Variants in SLC10A1 observed in about 807,000 individuals in gnomAD.
The protein encoded by SLC10A1 is solute carrier family 10 member 1.
Under a neutral mutation model 20.5 loss-of-function variants are expected in SLC10A1, and 36 were observed. That is an observed-to-expected ratio of 1.75 (90% CI 1.34 to 2.32). SLC10A1 has a LOEUF of 2.32. Among genes scored for constraint, SLC10A1 ranks in the 30% most tolerant of loss-of-function variants. The pLI, the probability that SLC10A1 is intolerant of heterozygous loss-of-function variation, is 0.00. For synonymous variants in SLC10A1, 188 were observed against 163.6 expected (o/e 1.15, Z -1.14); for missense variants, 545 against 439.1 (o/e 1.24, Z -2.16).
rs200927878 is a variant in SLC10A1, at chr14:69,779,180, A to G, written c.746+2T>C. The G allele has an allele frequency of 1.9e-6, 3 of 1,577,800 alleles. No homozygotes were observed. Among genetic ancestry groups the G allele is most frequent in the Admixed American group, 1.9e-5 (1 of 52,296 alleles). ...TTTCTTAAAAAAAAAAAAAATACCT[A>G]CCGTCCATTGAGGCAGAAGAGAGCA... is the stretch of plus-strand genomic sequence containing the variant. On this transcript the variant is annotated splice_donor_variant, in intron 3 of 4. Coordinates refer to ENST00000216540, the MANE Select transcript of SLC10A1 (RefSeq NM_003049.4). LOFTEE classifies it high-confidence loss of function.
At chr14:69,788,275 A>C (rs1227819992) in intron 1 of SLC10A1, among the ~76,000 whole-genome samples, 1 of 152,164 alleles carries the variant, frequency 6.6e-6, no homozygotes, top group African/African-American at 2.4e-5. Flanking sequence ...ATCAAATATG[A>C]AATCATGGTG....
At chr14:69,780,480 A>G (rs1296361649) in intron 2 of SLC10A1, among the ~76,000 whole-genome samples, 1 of 151,162 alleles carries the variant, frequency 6.6e-6, no homozygotes, top group Non-Finnish European at 1.5e-5. Context: ...TATATTTCCT[A>G]GTAACATTTT....
chr14:69,784,101 C>T (rs1227788266), intron 2 of SLC10A1, among the ~76,000 whole-genome samples: 1 of 152,016 alleles, frequency 6.6e-6, no homozygotes, highest in Non-Finnish European at 1.5e-5. Flanking sequence ...TAATTGCAGA[C>T]CTGAGAGGGA....
Position 69,776,202 on chromosome 14 carries a change from G to T in SLC10A1, c.*80C>A. 1 of 988,708 alleles carries T rather than the reference G, an allele frequency of 1.0e-6. No homozygotes were observed. Among genetic ancestry groups the T allele is most frequent in the Non-Finnish European group, 1.6e-6 (1 of 637,536 alleles). 61.2% of individuals were successfully genotyped at this position (988,708 alleles called of 1,614,324 possible). Reference sequence around the variant, plus strand: ...GGAGAAAGACTCAGGCAAGACTGGTGTTTTTGCTGCTCTCTCTAGTTTACC... The same window carrying T: ...GGAGAAAGACTCAGGCAAGACTGGTTTTTTTGCTGCTCTCTCTAGTTTACC... On this transcript the variant is annotated 3_prime_UTR_variant, in exon 5 of 5. Transcript: ENST00000216540.
In SLC10A1 at chr14:69,796,984, G is replaced by T; in HGVS notation, c.172C>A (p.Pro58Thr). The T allele has an allele frequency of 1.2e-6, 2 of 1,614,236 alleles. No homozygotes were observed. The highest frequency in any genetic ancestry group is 8.5e-7 in the Non-Finnish European group (1 of 1,180,040). ...FSKIKAHLWK[P>T]KGLAIALVAQ... ...ACCAGGGCGATGGCCAGCCCTTTAGGCTTCCATAAGTGAGCCTTGATCTTG... is the reference window on the plus strand; with the variant it reads ...ACCAGGGCGATGGCCAGCCCTTTAGTCTTCCATAAGTGAGCCTTGATCTTG... Residue 58 changes from proline to threonine, a missense_variant, in exon 1 of 5, where the codon CCT becomes ACT. Physicochemically the swap from Pro to Thr is conservative, Grantham distance 38. Coordinates refer to ENST00000216540, the MANE Select transcript of SLC10A1 (RefSeq NM_003049.4).
At chr14:69,776,727 A>G (rs1007178975) in intron 4 of SLC10A1, among the ~76,000 whole-genome samples, 6 of 152,232 alleles carry the variant, frequency 3.9e-5, no homozygotes, top group Non-Finnish European at 7.3e-5. Context: ...CAGGCAGGAA[A>G]GATCTTCGAG....
intron 1 of SLC10A1, among the ~76,000 whole-genome samples, chr14:69,792,549 T>C (rs868413804): frequency 2.6e-5 from 4 of 152,202 alleles, no homozygotes; most frequent in Admixed American, 6.5e-5. Flanking sequence ...ATTCCAAATA[T>C]AGATGAAGGC....
intron 4 of SLC10A1, 36 bp from the exon 5 acceptor site, chr14:69,776,424 G>C (rs1281488883): frequency 7.3e-6 from 11 of 1,507,718 alleles, no homozygotes; most frequent in Non-Finnish European, 1.0e-5. Flanking sequence ...TGTAGAGAGA[G>C]AACAAGAGGA....
intron 2 of SLC10A1, among the ~76,000 whole-genome samples, chr14:69,785,158 A>G (rs1005177368): frequency 5.9e-5 from 9 of 151,884 alleles, no homozygotes; most frequent in African/African-American, 2.2e-4. Flanking sequence ...TAGTGAGCCA[A>G]GGGGGAGGCT....
At chr14:69,779,627 A>G (rs1394558846) in intron 2 of SLC10A1, among the ~76,000 whole-genome samples, 1 of 152,164 alleles carries the variant, frequency 6.6e-6, no homozygotes, top group African/African-American at 2.4e-5. Context: ...GGCCTTCCAA[A>G]GTGCTGGGAT....
intron 4 of SLC10A1, among the ~76,000 whole-genome samples, chr14:69,777,626 CT>C (rs1416489320): frequency 9.6e-6 from 1 of 104,374 alleles, no homozygotes; most frequent in Non-Finnish European, 1.8e-5. Context: ...TTAAAGTGCA[CT>C]TTGAGGAAGG....
chr14:69,792,774 G>A (rs935234921), intron 1 of SLC10A1, among the ~76,000 whole-genome samples: 3 of 148,072 alleles, frequency 2.0e-5, no homozygotes, highest in Non-Finnish European at 4.4e-5. Context: ...ATAAATGCAA[G>A]CAAACTGCAC....
chr14:69,790,699 G>A (rs1883815488), intron 1 of SLC10A1, among the ~76,000 whole-genome samples: 1 of 151,968 alleles, frequency 6.6e-6, no homozygotes, highest in Non-Finnish European at 1.5e-5. Flanking sequence ...GGTAAATAGA[G>A]GGATTTTCTT....
In SLC10A1 at chr14:69,786,255, G is replaced by A. The variant is rs768251427; in HGVS notation, c.409C>T (p.Leu137Phe). The A allele has an allele frequency of 6.2e-7, 1 of 1,614,130 alleles. No individual in the cohort carries two copies. The highest frequency in any genetic ancestry group is 2.2e-5 in the East Asian group (1 of 44,878). Residue 137 changes from leucine to phenylalanine, a missense_variant, in exon 2 of 5, where the codon CTC (leucine) becomes TTC (phenylalanine). Transcript: ENST00000216540. ...ATCCCCCTGGAGTAGATGTACAGGA[G>A]GAGAGGCATCATGCCAAGGGCACAG... ...TFCALGMMPL[L>F]LYIYSRGIYD...
At chr14:69,788,324 T>C (rs1883770034) in intron 1 of SLC10A1, among the ~76,000 whole-genome samples, 1 of 152,050 alleles carries the variant, frequency 6.6e-6, no homozygotes, top group Admixed American at 6.6e-5. Flanking sequence ...AAAATACATA[T>C]TTAAAAAACA....
intron 1 of SLC10A1, among the ~76,000 whole-genome samples, chr14:69,788,547 CTTTT>C (rs773705243): frequency 2.8e-5 from 4 of 142,138 alleles, no homozygotes; most frequent in Middle Eastern, 3.7e-3. Context: ...ATGAAGAACT[CTTTT>C]TTTTTTTTTT....
At chr14:69,795,901 A>T (rs1423845075) in intron 1 of SLC10A1, among the ~76,000 whole-genome samples, 1 of 151,996 alleles carries the variant, frequency 6.6e-6, no homozygotes, top group Non-Finnish European at 1.5e-5. Context: ...GGAGGACTAA[A>T]CCAGGGGGGA....
rs1454495573 is a variant in SLC10A1, at chr14:69,775,503, C to T, written c.*779G>A. 5 of 152,066 alleles carry T rather than the reference C, an allele frequency of 3.3e-5. No individual in the cohort carries two copies. Among genetic ancestry groups the T allele is most frequent in the South Asian group, 2.1e-4 (1 of 4,826 alleles). The allele number at this position is 152,066 out of a possible 1,614,324, so 9.4% of individuals were successfully genotyped here. On this transcript the variant is annotated 3_prime_UTR_variant, in exon 5 of 5. Transcript: ENST00000216540. ...GAACATTTTTCTTTGAATTGGGAAA[C>T]GACTCATTTTGGCAGTAGTTTGCTG...
chr14:69,778,642 G>C, intron 3 of SLC10A1, 113 bp from the exon 4 acceptor site: 1 of 868,326 alleles, frequency 1.2e-6, no homozygotes, highest in African/African-American at 1.7e-5. Context: ...ACCCTGGACA[G>C]GGGTACTTTG....
Sources: gnomAD v4.1 joint callset for allele counts (sites outside exome capture counted in the v4.1 genomes callset) on GRCh38, gnomAD v4.1.1 for gene constraint, MANE v1.5 for transcripts, NCBI Gene and HGNC (gene_info 2026-07-23, HGNC 2026-07-21) for gene names.